Variants in NHS observed in about 807,000 individuals in gnomAD.
The protein encoded by NHS is actin remodeling regulator NHS.
Under a neutral mutation model 72.5 loss-of-function variants are expected in NHS, and 5 were observed. That is an observed-to-expected ratio of 0.07 (90% CI 0.04 to 0.14). The LOEUF (loss-of-function observed/expected upper bound fraction) is 0.14, where lower values mean the gene tolerates loss of function less well. Ranked by LOEUF, NHS falls within the 10% of genes least tolerant of loss-of-function variation. The pLI is 1.00. For synonymous variants in NHS, 464 were observed against 547.7 expected (o/e 0.85, Z 2.13); for missense variants, 1,072 against 1,355.7 (o/e 0.79, Z 3.29).
intron 1 of NHS, among the ~76,000 whole-genome samples, chrX:17,573,512 G>A (rs1046078850): frequency 5.5e-5 from 6 of 109,493 alleles, no homozygotes; most frequent in Admixed American, 3.9e-4. Flanking sequence ...TTCTCGTAAT[G>A]TGGTTTTCAG....
At chrX:17,501,326 C>T (rs996795335) in intron 1 of NHS, among the ~76,000 whole-genome samples, 6 of 106,924 alleles carry the variant, frequency 5.6e-5, no homozygotes, top group Non-Finnish European at 1.2e-4. Context: ...GCACTCTAGC[C>T]TGGGTGACAG....
chrX:17,535,456 A>C (rs1056019287), intron 1 of NHS, among the ~76,000 whole-genome samples: 8 of 111,774 alleles, frequency 7.2e-5, no homozygotes, highest in Non-Finnish European at 1.3e-4. Context: ...CCGCTAACAG[A>C]TATTTCTCGT....
intron 1 of NHS, among the ~76,000 whole-genome samples, chrX:17,533,867 T>A (rs1439565568): frequency 1.8e-5 from 2 of 112,586 alleles, no homozygotes; most frequent in Non-Finnish European, 3.8e-5. Context: ...ATGACATAAA[T>A]ACAGAAATGT....
At chrX:17,394,689 A>G (rs1322921423) in intron 1 of NHS, among the ~76,000 whole-genome samples, 1 of 111,265 alleles carries the variant, frequency 9.0e-6, no homozygotes, top group South Asian at 3.8e-4. Context: ...GACAGCTAAG[A>G]CCATGGCCTA....
intron 4 of NHS, 36 bp from the exon 5 acceptor site, chrX:17,721,405 C>T (rs755048029): frequency 8.4e-7 from 1 of 1,188,726 alleles, no homozygotes; most frequent in Non-Finnish European, 1.1e-6. Flanking sequence ...TATGTATAAA[C>T]TATGATGGCT....
At chrX:17,431,993 A>G (rs1049970531) in intron 1 of NHS, among the ~76,000 whole-genome samples, 2 of 112,108 alleles carry the variant, frequency 1.8e-5, no homozygotes, top group South Asian at 3.8e-4. Flanking sequence ...CATGTATAGC[A>G]GTGGCTCCCA....
chrX:17,475,259 C>T (rs1023345878), intron 1 of NHS, among the ~76,000 whole-genome samples: 1 of 112,521 alleles, frequency 8.9e-6, no homozygotes, highest in Non-Finnish European at 1.9e-5. Flanking sequence ...AGAGCAGACA[C>T]GCTGCCCAGA....
intron 1 of NHS, among the ~76,000 whole-genome samples, chrX:17,455,938 G>A (rs1429330468): frequency 9.0e-6 from 1 of 111,193 alleles, no homozygotes; most frequent in Non-Finnish European, 1.9e-5. Context: ...AGCTAAGGCA[G>A]GCAAAATGGA....
At chrX:17,657,881 A>C (rs956853560) in intron 1 of NHS, among the ~76,000 whole-genome samples, 1 of 112,933 alleles carries the variant, frequency 8.9e-6, no homozygotes. Context: ...GGTGGCACTC[A>C]AACCATGCCA....
intron 1 of NHS, among the ~76,000 whole-genome samples, chrX:17,406,103 A>G (rs1250118554): frequency 8.9e-6 from 1 of 112,284 alleles, no homozygotes; most frequent in Non-Finnish European, 1.9e-5. Context: ...GTGGCTCTTC[A>G]GAATTTTCTA....
rs763583353 is a variant in NHS at position 17,536,995 on chromosome X, A to G, written c.566-150747A>G. ...TCTATAAAGTGATTGAACTGTGGAGATAAATTGAAATATGAGTCATGAAAT... is the reference window on the plus strand; with the variant it reads ...TCTATAAAGTGATTGAACTGTGGAGGTAAATTGAAATATGAGTCATGAAAT... On this transcript the variant is annotated intron_variant, in intron 1 of 8. Coordinates refer to ENST00000676302, the MANE Select transcript of NHS (RefSeq NM_001291867.2). Among the ~76,000 whole-genome samples, 4 of 112,536 alleles carry G rather than the reference A, an allele frequency of 3.6e-5. No individual in the cohort carries two copies. The East Asian group carries it at 1.1e-3, about 31-fold the overall frequency.
At chrX:17,421,702 A>T (rs1179893264) in intron 1 of NHS, among the ~76,000 whole-genome samples, 1 of 109,784 alleles carries the variant, frequency 9.1e-6, no homozygotes, top group Non-Finnish European at 1.9e-5. Context: ...TCAGCCTCCC[A>T]AGTAGCTGGG....
intron 1 of NHS, among the ~76,000 whole-genome samples, chrX:17,636,466 T>C (rs930898985): frequency 8.9e-6 from 1 of 112,676 alleles, no homozygotes; most frequent in Non-Finnish European, 1.9e-5. Flanking sequence ...GGACAGTGCC[T>C]TACTTTCATT....
intron 1 of NHS, among the ~76,000 whole-genome samples, chrX:17,592,010 A>ATGTGTG (rs57852279): frequency 1.6e-4 from 17 of 104,751 alleles, no homozygotes; most frequent in African/African-American, 4.9e-4. Context: ...TGGTCCACTG[A>ATGTGTG]TGTGTGTGTG....
chrX:17,458,454 C>G (rs774448887), intron 1 of NHS, among the ~76,000 whole-genome samples: 1 of 111,013 alleles, frequency 9.0e-6, no homozygotes, highest in East Asian at 2.8e-4. Context: ...GTCTTGAACT[C>G]CTGACCTCAA....
At chrX:17,723,726 G>GGTGTGTGTGTGTGT (rs3222310) in intron 5 of NHS, among the ~76,000 whole-genome samples, 1,752 of 70,997 alleles carry the variant, frequency 0.025, 35 homozygotes, top group East Asian at 0.051. Context: ...CAGCAAAAGA[G>GGTGTGTGTGTGTGT]GTGTGTGTGT....
intron 1 of NHS, among the ~76,000 whole-genome samples, chrX:17,512,458 A>G (rs2065094309): frequency 8.9e-6 from 1 of 112,109 alleles, no homozygotes; most frequent in South Asian, 3.7e-4. Flanking sequence ...GAGTGGAAGG[A>G]AGGTGGTCAG....
rs200089166 is a variant in NHS, at chrX:17,625,050, A to G, written c.566-62692A>G. 7.1e-5 allele frequency among the ~76,000 whole-genome samples: 8 copies of G among 112,765 alleles called. No individual in the cohort carries two copies. In the East Asian group the frequency reaches 2.2e-3, roughly 31 times the overall value. ...AAATATTTTCTTAGTAATTTATTTC[A>G]AAATCAACAAACAATAATTACATAT... On this transcript the variant is annotated intron_variant, in intron 1 of 8. Coordinates refer to ENST00000676302, the MANE Select transcript of NHS (RefSeq NM_001291867.2).
chrX:17,430,269 T>G (rs1450230579), intron 1 of NHS, among the ~76,000 whole-genome samples: 1 of 64,691 alleles, frequency 1.5e-5, no homozygotes, highest in African/African-American at 6.7e-5. Context: ...TTTTCTTTCT[T>G]TCTTTCTTTC....
Sources: allele counts gnomAD v4.1 joint callset (sites outside exome capture counted in the v4.1 genomes callset), GRCh38; gene constraint gnomAD v4.1.1; transcripts MANE v1.5; gene names NCBI Gene and HGNC (gene_info 2026-07-23, HGNC 2026-07-21).